ABCC4: variants seen among roughly 807,000 people sequenced by gnomAD.
ABCC4 encodes ATP binding cassette subfamily C member 4 (PEL blood group).
ABCC4 carries 102 observed loss-of-function variants against 168.5 expected under a neutral mutation model. The observed-to-expected ratio is 0.61, with a 90% confidence interval of 0.52 to 0.71. ABCC4 has a LOEUF of 0.71. Among genes scored for constraint, ABCC4 ranks in the 30% least tolerant of loss-of-function variants. The pLI is 0.00. For missense variants in ABCC4, 1,402 were observed against 1,605.8 expected (o/e 0.87, Z 2.17); for synonymous variants, 617 against 590.7 (o/e 1.04, Z -0.65).
chr13:95,148,846 A>G (rs966909575), intron 19 of ABCC4: 1 of 152,244 alleles, frequency 6.6e-6, no homozygotes, highest in African/African-American at 2.4e-5. Context: ...AATCTCATCT[A>G]GAACATTTAG....
intron 8 of ABCC4, among the ~76,000 whole-genome samples, chr13:95,200,351 C>T (rs1399861742): frequency 2.0e-5 from 3 of 152,210 alleles, no homozygotes; most frequent in South Asian, 4.1e-4. Context: ...ATTTTGACCT[C>T]ATGCGTTTTT....
chr13:95,201,752 C>T (rs1050689285), intron 8 of ABCC4, among the ~76,000 whole-genome samples: 1 of 152,140 alleles, frequency 6.6e-6, no homozygotes, highest in Non-Finnish European at 1.5e-5. Flanking sequence ...GCGGGTGGAT[C>T]ACTTGAGGTC....
intron 1 of ABCC4, among the ~76,000 whole-genome samples, chr13:95,267,420 A>T (rs2040714757): frequency 6.6e-6 from 1 of 152,210 alleles, no homozygotes; most frequent in East Asian, 1.9e-4. Flanking sequence ...CCCCAGCCAC[A>T]TGGAACTGTC....
chr13:95,168,348 C>T (rs957478115), intron 14 of ABCC4, among the ~76,000 whole-genome samples: 71 of 152,182 alleles, frequency 4.7e-4, no homozygotes, highest in African/African-American at 1.7e-3. Context: ...GCACACGGAA[C>T]CACTTCTGAA....
intron 4 of ABCC4, among the ~76,000 whole-genome samples, chr13:95,220,843 G>A (rs1271004370): frequency 6.6e-6 from 1 of 152,166 alleles, no homozygotes; most frequent in African/African-American, 2.4e-5. Context: ...CCCAGAGGGA[G>A]TAGAAAGGAG....
chr13:95,238,010 C>G (rs1447635227), intron 3 of ABCC4, among the ~76,000 whole-genome samples: 1 of 151,826 alleles, frequency 6.6e-6, no homozygotes, highest in East Asian at 1.9e-4. Flanking sequence ...GCCTGGCCAA[C>G]ATGGTGAAAC....
At chr13:95,220,860 A>G (rs1285007657) in intron 4 of ABCC4, among the ~76,000 whole-genome samples, 1 of 152,206 alleles carries the variant, frequency 6.6e-6, no homozygotes, top group East Asian at 1.9e-4. Context: ...GGAGAAGATG[A>G]GGACTTCAAA....
chr13:95,031,615 T>C (rs1266083787), intron 30 of ABCC4, among the ~76,000 whole-genome samples: 1 of 152,244 alleles, frequency 6.6e-6, no homozygotes, highest in Non-Finnish European at 1.5e-5. Context: ...CGATTAATAT[T>C]GTTGAATTAG....
intron 4 of ABCC4, among the ~76,000 whole-genome samples, chr13:95,218,715 G>A (rs2039194096): frequency 6.6e-6 from 1 of 151,890 alleles, no homozygotes; most frequent in Non-Finnish European, 1.5e-5. Flanking sequence ...ACCAGGCATG[G>A]TGGCACATGC....
chr13:95,218,925 A>AGAGAG (rs1566539415), intron 4 of ABCC4, among the ~76,000 whole-genome samples: 3,152 of 94,644 alleles, frequency 0.033, 259 homozygotes, highest in African/African-American at 0.14. Context: ...GAGAGAAAGA[A>AGAGAG]AGAGAAAGAA....
intron 1 of ABCC4, among the ~76,000 whole-genome samples, chr13:95,271,316 A>C (rs541816803): frequency 4.5e-4 from 68 of 152,202 alleles, no homozygotes; most frequent in African/African-American, 1.5e-3. Context: ...CCAAAAACAT[A>C]ATCTGCCACC....
At chr13:95,137,728 A>T (rs2036186822) in intron 19 of ABCC4, among the ~76,000 whole-genome samples, 1 of 152,148 alleles carries the variant, frequency 6.6e-6, no homozygotes, top group African/African-American at 2.4e-5. Flanking sequence ...TTAAAGCACG[A>T]TGTGGACAGG....
At chr13:95,206,054 T>A (rs1359973946) in intron 8 of ABCC4, among the ~76,000 whole-genome samples, 1 of 152,098 alleles carries the variant, frequency 6.6e-6, no homozygotes, top group African/African-American at 2.4e-5. Flanking sequence ...GGAAAACATC[T>A]ACAGAGGAAA....
intron 19 of ABCC4, among the ~76,000 whole-genome samples, chr13:95,122,302 C>T (rs980983069): frequency 1.3e-5 from 2 of 152,164 alleles, no homozygotes; most frequent in African/African-American, 2.4e-5. Context: ...ACATCTTACG[C>T]GTATCTAAAT....
At chr13:95,035,345 G>A (rs1195399525) in intron 29 of ABCC4, among the ~76,000 whole-genome samples, 1 of 152,194 alleles carries the variant, frequency 6.6e-6, no homozygotes, top group Non-Finnish European at 1.5e-5. Context: ...TCGGCTCTGG[G>A]TGTACTTTAT....
intron 4 of ABCC4, among the ~76,000 whole-genome samples, chr13:95,220,569 A>ATT (rs2039285833): frequency 6.6e-6 from 1 of 152,196 alleles, no homozygotes; most frequent in African/African-American, 2.4e-5. Flanking sequence ...AAAATGTCTT[A>ATT]CTAATGACTT....
chr13:95,172,654 G>A (rs2037519656), intron 13 of ABCC4, among the ~76,000 whole-genome samples: 1 of 151,984 alleles, frequency 6.6e-6, no homozygotes, highest in Admixed American at 6.6e-5. Flanking sequence ...ATAGTCAGTT[G>A]GTGCAGTGGC....
chr13:95,157,885 C>T (rs7331317), intron 19 of ABCC4, among the ~76,000 whole-genome samples: 1 of 151,658 alleles, frequency 6.6e-6, no homozygotes, highest in East Asian at 1.9e-4. Context: ...TCCTGGCCAA[C>T]ACGGTGAAAC....
intron 25 of ABCC4, among the ~76,000 whole-genome samples, chr13:95,064,376 T>C (rs968917897): frequency 2.7e-5 from 4 of 149,978 alleles, no homozygotes; most frequent in Non-Finnish European, 3.0e-5. Flanking sequence ...ACAAGTGACA[T>C]AAACAGGTAT....
Sources: allele counts gnomAD v4.1 joint callset (sites outside exome capture counted in the v4.1 genomes callset), GRCh38; gene constraint gnomAD v4.1.1; transcripts MANE v1.5; gene names NCBI Gene and HGNC (gene_info 2026-07-23, HGNC 2026-07-21).